ASB5: variants seen among roughly 807,000 people sequenced by gnomAD.
The protein encoded by ASB5 is ankyrin repeat and SOCS box protein 5.
A neutral mutation model predicts 42.1 loss-of-function variants in ASB5; 45 were observed. That is an observed-to-expected ratio of 1.07 (90% CI 0.84 to 1.37). ASB5 has a LOEUF of 1.37. Ranked by LOEUF, ASB5 falls within the 40% of genes most tolerant of loss-of-function variation. ASB5 has a pLI of 0.00. For missense variants in ASB5, 402 were observed against 399.8 expected, an observed-to-expected ratio of 1.01 and a Z score of -0.05; for synonymous variants, 147 against 150.6, an observed-to-expected ratio of 0.98 and a Z score of 0.18.
chr4:176,241,379 C>T, intron 1 of ASB5: 8 of 1,139,894 alleles, frequency 7.0e-6, no homozygotes, highest in East Asian at 5.3e-5. Context: ...ATGTTTACTC[C>T]AAAATTACTA....
chr4:176,228,061 G>T (rs544897130), intron 1 of ASB5, among the ~76,000 whole-genome samples: 459 of 152,278 alleles, frequency 3.0e-3, no homozygotes, highest in Non-Finnish European at 4.6e-3. Context: ...ATGCTAAATT[G>T]TAAGTAAACA....
chr4:176,213,685 G>T lies in ASB5; in HGVS notation c.*1915C>A, dbSNP rs1561247425. ...CAAACACAAAGTGTTTTATTCCAAT[G>T]AATAATAATCACACTTTAATATAAT... On this transcript the variant is annotated 3_prime_UTR_variant, in exon 7 of 7. Transcript: ENST00000296525. The T allele has an allele frequency of 6.6e-6, 1 of 151,942 alleles. No individual in the cohort carries two copies. Among genetic ancestry groups the T allele is most frequent in the Non-Finnish European group, 1.5e-5 (1 of 67,944 alleles). 9.4% of individuals were successfully genotyped at this position (151,942 alleles called of 1,614,324 possible). A position where few individuals can be genotyped will look rare whatever the true frequency, so the allele number is the denominator to read the frequency against.
intron 1 of ASB5, among the ~76,000 whole-genome samples, chr4:176,250,006 A>G (rs1277172903): frequency 1.3e-5 from 2 of 149,956 alleles, no homozygotes; most frequent in African/African-American, 4.9e-5. Flanking sequence ...CGGAGCTTGC[A>G]GTGAGCCGAG....
rs1366236724 is a variant in ASB5, at chr4:176,213,776, T to C, written c.*1824A>G. The C allele has an allele frequency of 6.6e-6, 1 of 152,080 alleles. No homozygotes were observed. 9.4% of individuals were successfully genotyped at this position (152,080 alleles called of 1,614,324 possible). A position where few individuals can be genotyped will look rare whatever the true frequency, so the allele number is the denominator to read the frequency against. ...TAAGACAATCATACTCAAGCTAAGA[T>C]ACAAGGTACAGACATACTGAAATTG... is the stretch of plus-strand genomic sequence containing the variant. On this transcript the variant is annotated 3_prime_UTR_variant, in exon 7 of 7. Coordinates refer to ENST00000296525, the MANE Select transcript of ASB5 (RefSeq NM_080874.4).
At chr4:176,276,974 CAGA>C (rs991256495) in intron 1 of ASB5, among the ~76,000 whole-genome samples, 2 of 152,156 alleles carry the variant, frequency 1.3e-5, no homozygotes, top group Admixed American at 1.3e-4. Flanking sequence ...GCAAGGTCTT[CAGA>C]AGAACTAGTT....
At chr4:176,228,412 T>C (rs191239694) in intron 1 of ASB5, among the ~76,000 whole-genome samples, 1 of 152,350 alleles carries the variant, frequency 6.6e-6, no homozygotes, top group Non-Finnish European at 1.5e-5. Flanking sequence ...TGCATGGGTG[T>C]TTATCTTGAA....
intron 1 of ASB5, chr4:176,237,386 C>A (rs188521428): frequency 4.1e-6 from 4 of 985,732 alleles, no homozygotes; most frequent in Non-Finnish European, 4.8e-6. Context: ...CTGCTTAATG[C>A]AGTTCATTTC....
rs753319825 is a variant in ASB5 at position 176,221,553 on chromosome 4, G to A, written c.432C>T (p.Cys144=). 15 of 1,613,736 alleles carry A rather than the reference G, an allele frequency of 9.3e-6. No individual in the cohort carries two copies. Among genetic ancestry groups the A allele is most frequent in the Non-Finnish European group, 1.3e-5 (15 of 1,179,800 alleles). The change falls in exon 4 of 7, where the codon TGC becomes TGT. Residue 144 remains cysteine, a synonymous_variant. Transcript: ENST00000296525. ...IDGVTPLFNA[C]SQGSPSCAEL... is the part of the protein sequence containing the mutation. ...CTGCACAGCTTGGACTGCCTTGGGA[G>A]CATGCGTTGAATAACGGAGTCACGC...
At position 176,243,071 on chromosome 4, in the gene ASB5, T is replaced by C. The variant is rs1289130261; in HGVS notation, c.197-17730A>G. 2.0e-5 allele frequency among the ~76,000 whole-genome samples: 3 copies of C among 152,194 alleles called. No individual in the cohort carries two copies. In the East Asian group the frequency reaches 5.8e-4, roughly 29 times the overall value. On this transcript the variant is annotated intron_variant, in intron 1 of 6. Transcript: ENST00000296525. ...CATCAAAGTTGAAACTGTACGCAAC[T>C]AGTCCCACAAAGTTGACCCAGGAGA...
chr4:176,236,639 G>A (rs1410056518), intron 1 of ASB5, among the ~76,000 whole-genome samples: 1 of 152,078 alleles, frequency 6.6e-6, no homozygotes, highest in East Asian at 1.9e-4. Flanking sequence ...CATTCTTCAA[G>A]CTCCAGCTAT....
intron 1 of ASB5, among the ~76,000 whole-genome samples, chr4:176,237,819 T>C (rs1753723282): frequency 6.6e-6 from 1 of 152,184 alleles, no homozygotes; most frequent in African/African-American, 2.4e-5. Flanking sequence ...CAATCAAATG[T>C]AAAATTGCCT....
Position 176,268,897 on chromosome 4 carries a change from A to G in ASB5, c.196+16T>C. ...TAAACTCCACTTGAAACAAGAGAGG[A>G]TTATCATAAACATACCTTGTCCTTG... On this transcript the variant is annotated intron_variant, in intron 1 of 6. Coordinates refer to ENST00000296525, the MANE Select transcript of ASB5 (RefSeq NM_080874.4). The G allele has an allele frequency of 1.9e-6, 3 of 1,553,144 alleles. No individual in the cohort carries two copies. The highest frequency in any genetic ancestry group is 2.6e-6 in the Non-Finnish European group (3 of 1,148,186).
intron 1 of ASB5, among the ~76,000 whole-genome samples, chr4:176,227,473 A>G (rs1169999767): frequency 6.6e-6 from 1 of 152,156 alleles, no homozygotes; most frequent in African/African-American, 2.4e-5. Context: ...TAACATTGAG[A>G]AAAACCAACT....
At chr4:176,216,319 T>G (rs1233422926) in intron 6 of ASB5, among the ~76,000 whole-genome samples, 1 of 151,908 alleles carries the variant, frequency 6.6e-6, no homozygotes, top group Non-Finnish European at 1.5e-5. Context: ...TATATGAGAG[T>G]TTAGGTAAGA....
At chr4:176,222,559 C>A in intron 2 of ASB5, 139 bp from the exon 3 acceptor site, 2 of 768,368 alleles carry the variant, frequency 2.6e-6, no homozygotes, top group Non-Finnish European at 4.2e-6. Context: ...GCAGGATAGG[C>A]CAGTTCAAAT....
At chr4:176,252,262 AT>A (rs201227382) in intron 1 of ASB5, among the ~76,000 whole-genome samples, 1,919 of 152,200 alleles carry the variant, frequency 0.013, 46 homozygotes, top group African/African-American at 0.044. Flanking sequence ...GACAGTATTG[AT>A]TTTCTGTCTT....
At chr4:176,257,563 G>C (rs1225614635) in intron 1 of ASB5, among the ~76,000 whole-genome samples, 1 of 152,140 alleles carries the variant, frequency 6.6e-6, no homozygotes, top group African/African-American at 2.4e-5. Context: ...GTATCAGAGG[G>C]AGTACCTGCA....
intron 1 of ASB5, among the ~76,000 whole-genome samples, chr4:176,234,406 C>T (rs1020475103): frequency 2.6e-5 from 4 of 152,160 alleles, no homozygotes; most frequent in Admixed American, 2.6e-4. Context: ...CACTTGTTCT[C>T]TGACTTTAGT....
At chr4:176,241,001 G>T (rs1006134123) in intron 1 of ASB5, among the ~76,000 whole-genome samples, 1 of 152,014 alleles carries the variant, frequency 6.6e-6, no homozygotes, top group Admixed American at 6.6e-5. Context: ...ATCAACTTAC[G>T]GTTAGTCTTG....
Sources: allele counts gnomAD v4.1 joint callset (sites outside exome capture counted in the v4.1 genomes callset), GRCh38; gene constraint gnomAD v4.1.1; transcripts MANE v1.5; gene names NCBI Gene and HGNC (gene_info 2026-07-23, HGNC 2026-07-21).